The following CAMTA1 variants were observed in gnomAD, a reference collection of about 807,000 sequenced individuals.
CAMTA1 encodes the protein calmodulin-binding transcription activator 1.
A neutral mutation model predicts 170.9 loss-of-function variants in CAMTA1; 27 were observed. The ratio of observed to expected loss-of-function variants is 0.16; its 90% CI spans 0.12 to 0.22. The LOEUF is 0.22. Ranked by LOEUF, CAMTA1 falls within the 10% of genes least tolerant of loss-of-function variation. The pLI, the probability that CAMTA1 is intolerant of heterozygous loss-of-function variation, is 1.00. For synonymous variants in CAMTA1, 833 were observed against 891.5 expected, an observed-to-expected ratio of 0.93 and a Z score of 1.17; for missense variants, 1,619 against 2,217.2, an observed-to-expected ratio of 0.73 and a Z score of 5.42.
At chr1:7,281,322 G>A (rs1187975769) in intron 5 of CAMTA1, among the ~76,000 whole-genome samples, 1 of 152,170 alleles carries the variant, frequency 6.6e-6, no homozygotes, top group Non-Finnish European at 1.5e-5. Flanking sequence ...AATAAATTGA[G>A]TTGCTTTACA....
At chr1:7,019,829 G>T (rs1421165697) in intron 3 of CAMTA1, among the ~76,000 whole-genome samples, 1 of 152,286 alleles carries the variant, frequency 6.6e-6, no homozygotes, top group Non-Finnish European at 1.5e-5. Context: ...CCACAGCCCC[G>T]CCCAGCTCCC....
rs899864019 is a variant in CAMTA1 at position 6,934,860 on chromosome 1, G to A, written c.234+109650G>A. Among the ~76,000 whole-genome samples the A allele has an allele frequency of 6.6e-6, 1 of 152,168 alleles. No homozygotes were observed. Among genetic ancestry groups the A allele is most frequent in the African/African-American group, 2.4e-5 (1 of 41,418 alleles). ...GCTCACTTGAGGCTTCCCCTGGGGAGAAGGAGCTGTTAAACTGTCAAAATA... is the reference window on the plus strand; with the variant it reads ...GCTCACTTGAGGCTTCCCCTGGGGAAAAGGAGCTGTTAAACTGTCAAAATA... On this transcript the variant is annotated intron_variant, in intron 3 of 22. Transcript: ENST00000303635. This position sits in a 1 kb window ranked among gnomAD's most constrained non-coding sequence, Gnocchi z 4.5.
At chr1:7,516,059 C>T (rs1268461838) in intron 6 of CAMTA1, among the ~76,000 whole-genome samples, 1 of 152,188 alleles carries the variant, frequency 6.6e-6, no homozygotes, top group Admixed American at 6.5e-5. Flanking sequence ...GACCGGCCCC[C>T]ACCAGGGCAG....
chr1:7,035,823 A>AATTT (rs757221730), intron 3 of CAMTA1, among the ~76,000 whole-genome samples: 36 of 152,346 alleles, frequency 2.4e-4, no homozygotes, highest in Non-Finnish European at 2.8e-4. Flanking sequence ...ATTCGGAAAC[A>AATTT]ATTTAAAGTT....
intron 6 of CAMTA1, among the ~76,000 whole-genome samples, chr1:7,604,853 G>A (rs923015045): frequency 7.8e-4 from 118 of 152,096 alleles, no homozygotes; most frequent in African/African-American, 2.7e-3. Flanking sequence ...TACAGATGGG[G>A]TTTTGGTGTG....
intron 6 of CAMTA1, among the ~76,000 whole-genome samples, chr1:7,583,940 A>C (rs2095285071): frequency 6.6e-6 from 1 of 152,054 alleles, no homozygotes; most frequent in Non-Finnish European, 1.5e-5. Flanking sequence ...CTCCCCTGGG[A>C]CCCTGAGCTC....
intron 10 of CAMTA1, among the ~76,000 whole-genome samples, chr1:7,675,146 G>A (rs1242436293): frequency 6.6e-6 from 1 of 152,198 alleles, no homozygotes; most frequent in Non-Finnish European, 1.5e-5. Context: ...GGAAGTGGGA[G>A]AAGCATCCAG....
intron 4 of CAMTA1, among the ~76,000 whole-genome samples, chr1:7,107,622 G>A (rs994406909): frequency 3.3e-5 from 5 of 152,196 alleles, no homozygotes; most frequent in Admixed American, 6.5e-5. Context: ...TCCCGGAGGG[G>A]CGGGTGCTGC....
At chr1:6,948,952 TTGTG>T (rs1688014349) in intron 3 of CAMTA1, among the ~76,000 whole-genome samples, 1 of 152,176 alleles carries the variant, frequency 6.6e-6, no homozygotes, top group African/African-American at 2.4e-5. Context: ...GTGTGTCTCC[TTGTG>T]TGTTATCCCC....
In CAMTA1 at chr1:7,041,320, G is replaced by A. The variant is rs979479195; in HGVS notation, c.235-49984G>A. ...TCAGACCTGCGAGGCCTGGGCTGTG[G>A]CTGCTGTGGCTTTGCCAGCATCTAT... On this transcript the variant is annotated intron_variant, in intron 3 of 22. Coordinates refer to ENST00000303635, the MANE Select transcript of CAMTA1 (RefSeq NM_015215.4). The surrounding 1 kb of genome is among the most constrained non-coding windows in gnomAD (Gnocchi z 5.1). Among the ~76,000 whole-genome samples the A allele has an allele frequency of 6.6e-5, 10 of 152,250 alleles. No individual in the cohort carries two copies. The highest frequency in any genetic ancestry group is 2.0e-4 in the Admixed American group (3 of 15,288).
chr1:7,500,648 A>T (rs985682370), intron 6 of CAMTA1, among the ~76,000 whole-genome samples: 15 of 152,142 alleles, frequency 9.9e-5, no homozygotes, highest in African/African-American at 3.6e-4. Flanking sequence ...TCTGTTGCTC[A>T]GGCCGTGTTC....
intron 5 of CAMTA1, among the ~76,000 whole-genome samples, chr1:7,347,815 C>T (rs1210863159): frequency 6.6e-6 from 1 of 152,178 alleles, no homozygotes; most frequent in East Asian, 1.9e-4. Context: ...CTCTGTGTGC[C>T]CTTTTCCGCC....
At chr1:7,488,702 T>A (rs190270720) in intron 6 of CAMTA1, among the ~76,000 whole-genome samples, 4 of 152,218 alleles carry the variant, frequency 2.6e-5, no homozygotes, top group Admixed American at 2.6e-4. Flanking sequence ...CATAAATATA[T>A]ACATATGCAT....
At chr1:7,728,533 T>G (rs1466528925) in intron 11 of CAMTA1, among the ~76,000 whole-genome samples, 2 of 152,178 alleles carry the variant, frequency 1.3e-5, no homozygotes, top group Non-Finnish European at 2.9e-5. Flanking sequence ...GATGCAAGAT[T>G]TGTAGACTTG....
intron 7 of CAMTA1, among the ~76,000 whole-genome samples, chr1:7,652,346 TC>T (rs969758882): frequency 6.6e-5 from 10 of 151,918 alleles, no homozygotes; most frequent in Admixed American, 5.2e-4. Flanking sequence ...CAAGAGCAAG[TC>T]CCCATCAGGC....
chr1:6,820,010 ACT>A (rs939733117), intron 1 of CAMTA1, among the ~76,000 whole-genome samples, 169 bp from the exon 2 acceptor site: 5 of 151,972 alleles, frequency 3.3e-5, no homozygotes, highest in Middle Eastern at 3.4e-3. Flanking sequence ...TGACCTTGAC[ACT>A]CTTGAGGATT....
intron 3 of CAMTA1, among the ~76,000 whole-genome samples, chr1:6,830,758 A>T (rs1300084199): frequency 6.6e-6 from 1 of 152,140 alleles, no homozygotes; most frequent in African/African-American, 2.4e-5. Context: ...CTCCAAAATC[A>T]AGACACGGCA....
Position 7,737,569 on chromosome 1 carries a change from A to G in CAMTA1, c.3657A>G (p.Pro1219=). The change falls in exon 15 of 23, where the codon CCA becomes CCG. Residue 1219 remains proline (P), a splice_region_variant and synonymous_variant. Coordinates refer to ENST00000303635, the MANE Select transcript of CAMTA1 (RefSeq NM_015215.4). ...KGVTVIASTN[P]ELRRPRSEPS... ...TCACTGTTATTGCAAGCACCAACCC[A>G]GGTAAGAATTCAGAATCATGACATC... 1.3e-6 allele frequency: 2 copies of G among 1,599,760 alleles called. No individual in the cohort carries two copies. The highest frequency in any genetic ancestry group is 1.7e-6 in the Non-Finnish European group (2 of 1,171,658).
At chr1:7,662,644 G>A (rs1486609186) in intron 8 of CAMTA1, among the ~76,000 whole-genome samples, 1 of 152,202 alleles carries the variant, frequency 6.6e-6, no homozygotes, top group African/African-American at 2.4e-5. Context: ...AGAAACGTTC[G>A]GCTCCTGAGG....
Sources: gnomAD v4.1 joint callset for allele counts (sites outside exome capture counted in the v4.1 genomes callset) on GRCh38, gnomAD v4.1.1 for gene constraint, Gnocchi (gnomAD v3.1) non-coding constraint, MANE v1.5 for transcripts, NCBI Gene and HGNC (gene_info 2026-07-23, HGNC 2026-07-21) for gene names.